Variants in EBPL observed in about 807,000 individuals in gnomAD.
The protein encoded by EBPL is emopamil-binding protein-like.
In EBPL, 20 loss-of-function variants were observed where a neutral mutation model predicts 19.0. The observed-to-expected ratio is 1.05, with a 90% CI of 0.74 to 1.53. The LOEUF is 1.53. Among genes scored for constraint, EBPL ranks in the 40% most tolerant of loss-of-function variants. The probability of loss-of-function intolerance (pLI) is 0.00; values close to 1 mark genes in which losing one functional copy is unlikely to be tolerated. For synonymous variants in EBPL, 107 were observed against 117.0 expected (o/e 0.91, Z 0.55); for missense variants, 219 against 261.1 (o/e 0.84, Z 1.11).
chr13:49,683,781 C>T (rs1055741480), intron 1 of EBPL, among the ~76,000 whole-genome samples: 2 of 152,106 alleles, frequency 1.3e-5, no homozygotes, highest in Admixed American at 6.6e-5. Context: ...GTACAGCCGC[C>T]GTGGAAAGCA....
intron 2 of EBPL, among the ~76,000 whole-genome samples, chr13:49,667,624 A>G (rs1397367758): frequency 6.6e-6 from 1 of 152,196 alleles, no homozygotes; most frequent in Non-Finnish European, 1.5e-5. Context: ...CATGAAAATA[A>G]AGGACACCTT....
intron 1 of EBPL, among the ~76,000 whole-genome samples, chr13:49,676,163 T>A (rs2137498904): frequency 6.6e-6 from 1 of 152,316 alleles, no homozygotes; most frequent in South Asian, 2.1e-4. Context: ...TCAAAGCATT[T>A]GGTAAAGCAG....
At chr13:49,684,004 C>G (rs902453988) in intron 1 of EBPL, among the ~76,000 whole-genome samples, 1 of 152,130 alleles carries the variant, frequency 6.6e-6, no homozygotes, top group Admixed American at 6.5e-5. Context: ...CAGCAACTTA[C>G]GTTAAATGAA....
At chr13:49,686,209 G>A (rs188127173) in intron 1 of EBPL, among the ~76,000 whole-genome samples, 124 of 152,330 alleles carry the variant, frequency 8.1e-4, no homozygotes, top group Non-Finnish European at 7.3e-4. Context: ...AGCGAGAGCT[G>A]CCTGCCGCGT....
chr13:49,663,148 T>C lies in EBPL; in HGVS notation c.289A>G (p.Thr97Ala), dbSNP rs1416732433. The change falls in exon 3 of 4, where the codon ACC becomes GCC. Residue 97 changes from threonine (T) to alanine (A), a missense_variant. Transcript: ENST00000242827. ...GTCAGAATTTCCACAGACACAATGG[T>C]TGGATCAAAATAAACCCATCTTGCA... Reference protein sequence around the residue: ...ADARWVYFDPTIVSVEILTVA... With the variant: ...ADARWVYFDPAIVSVEILTVA... 9.3e-6 allele frequency: 15 copies of C among 1,614,076 alleles called. No individual in the cohort carries two copies. Among genetic ancestry groups the C allele is most frequent in the Non-Finnish European group, 1.3e-5 (15 of 1,180,024 alleles).
At chr13:49,683,000 G>A (rs903143410) in intron 1 of EBPL, among the ~76,000 whole-genome samples, 62 of 152,158 alleles carry the variant, frequency 4.1e-4, no homozygotes, top group Non-Finnish European at 7.5e-4. Flanking sequence ...TTGAGCTAGA[G>A]TCTCCCTCTG....
chr13:49,689,030 C>T (rs889683357), intron 1 of EBPL, among the ~76,000 whole-genome samples: 1 of 152,108 alleles, frequency 6.6e-6, no homozygotes, highest in African/African-American at 2.4e-5. Flanking sequence ...GTTAAGTGAT[C>T]GTATTCATCA....
At chr13:49,682,233 C>T (rs1252082763) in intron 1 of EBPL, among the ~76,000 whole-genome samples, 2 of 152,158 alleles carry the variant, frequency 1.3e-5, no homozygotes, top group Non-Finnish European at 2.9e-5. Context: ...AACAGTCACA[C>T]GAGTTCTATG....
chr13:49,670,858 C>T (rs1953808357), intron 1 of EBPL, among the ~76,000 whole-genome samples: 1 of 152,196 alleles, frequency 6.6e-6, no homozygotes, highest in South Asian at 2.1e-4. Flanking sequence ...ACAGCCTCTA[C>T]CAGGCTCCCC....
At chr13:49,681,631 A>AATTT (rs1953944607) in intron 1 of EBPL, among the ~76,000 whole-genome samples, 1 of 152,236 alleles carries the variant, frequency 6.6e-6, no homozygotes, top group East Asian at 1.9e-4. Flanking sequence ...TATAGACTTA[A>AATTT]AGACAGCTAT....
chr13:49,671,291 C>G (rs1398683716), intron 1 of EBPL, among the ~76,000 whole-genome samples: 1 of 152,138 alleles, frequency 6.6e-6, no homozygotes, highest in African/African-American at 2.4e-5. Flanking sequence ...GCGTGTGACA[C>G]CACATTCAGC....
intron 1 of EBPL, 129 bp downstream of exon 1, chr13:49,691,125 G>T (rs1342893172): frequency 2.2e-6 from 2 of 896,024 alleles, no homozygotes; most frequent in Non-Finnish European, 2.9e-6. Context: ...TCAGCTAACA[G>T]ACTTCCTGCA....
At chr13:49,666,004 C>T (rs1363146721) in intron 2 of EBPL, among the ~76,000 whole-genome samples, 10 of 152,154 alleles carry the variant, frequency 6.6e-5, no homozygotes, top group Admixed American at 5.2e-4. Context: ...ACACAAGACC[C>T]GACACTGGGC....
chr13:49,661,916 G>C (rs1396749923), intron 3 of EBPL: 2 of 1,550,396 alleles, frequency 1.3e-6, no homozygotes, highest in Admixed American at 2.0e-5. Context: ...TTCACCCCAG[G>C]CCACTCTGTC....
chr13:49,684,826 G>T (rs1953980564), intron 1 of EBPL, among the ~76,000 whole-genome samples: 1 of 152,176 alleles, frequency 6.6e-6, no homozygotes, highest in Non-Finnish European at 1.5e-5. Context: ...GTATTATAAA[G>T]ATATCATTTA....
chr13:49,661,478 G>T (rs1965148006), intron 3 of EBPL, among the ~76,000 whole-genome samples: 1 of 152,064 alleles, frequency 6.6e-6, no homozygotes, highest in Admixed American at 6.6e-5. Flanking sequence ...ACCCATTCTT[G>T]GGGAAATTTG....
intron 1 of EBPL, among the ~76,000 whole-genome samples, chr13:49,690,709 C>CGG (rs1954053292): frequency 6.6e-6 from 1 of 152,174 alleles, no homozygotes; most frequent in South Asian, 2.1e-4. Context: ...CGCCTACCTT[C>CGG]ACCTCTGTAA....
chr13:49,666,729 A>G (rs1478647255), intron 2 of EBPL, among the ~76,000 whole-genome samples: 10 of 150,572 alleles, frequency 6.6e-5, no homozygotes, highest in East Asian at 3.9e-4. Flanking sequence ...AAAAAAAAAA[A>G]AAAAACAAAA....
chr13:49,688,888 G>A (rs1954030260), intron 1 of EBPL, among the ~76,000 whole-genome samples: 1 of 152,056 alleles, frequency 6.6e-6, no homozygotes, highest in Non-Finnish European at 1.5e-5. Flanking sequence ...GACAACATGG[G>A]CATGTATTTT....
Sources: allele counts gnomAD v4.1 joint callset (sites outside exome capture counted in the v4.1 genomes callset), GRCh38; gene constraint gnomAD v4.1.1; transcripts MANE v1.5; gene names NCBI Gene and HGNC (gene_info 2026-07-23, HGNC 2026-07-21).